Variants in SORCS1 observed in about 807,000 individuals in gnomAD.
SORCS1 encodes the protein VPS10 domain-containing receptor SorCS1.
A neutral mutation model predicts 146.1 loss-of-function variants in SORCS1; 60 were observed. The ratio of observed to expected loss-of-function variants is 0.41; its 90% CI spans 0.33 to 0.51. The LOEUF is 0.51. SORCS1 is among the 20% of genes least tolerant of loss of function. The pLI is 0.21. For missense variants in SORCS1, 1,352 were observed against 1,487.6 expected, an observed-to-expected ratio of 0.91 and a Z score of 1.50; for synonymous variants, 637 against 584.0, an observed-to-expected ratio of 1.09 and a Z score of -1.31.
At chr10:106,979,286 G>C (rs1000195962) in intron 1 of SORCS1, among the ~76,000 whole-genome samples, 4 of 152,096 alleles carry the variant, frequency 2.6e-5, no homozygotes, top group African/African-American at 9.7e-5. Flanking sequence ...AACTTCCTTA[G>C]GAAGTTTGTA....
chr10:106,754,451 TTTC>T lies in SORCS1; in HGVS notation c.959+7134_959+7136del, dbSNP rs546433109. Among the ~76,000 whole-genome samples the T allele has an allele frequency of 5.4e-4, 83 of 152,348 alleles. 1 individual carries two copies. In the East Asian group the frequency reaches 0.015, roughly 28 times the overall value. On this transcript the variant is annotated intron_variant, in intron 5 of 25. Transcript: ENST00000263054. ...TAAGCCAATATCTCTTTAAAATTTT[TTTC>T]TTCTTAAAACAGGATGCATTTTTCT... is the stretch of plus-strand genomic sequence containing the variant.
intron 1 of SORCS1, among the ~76,000 whole-genome samples, chr10:107,086,855 TC>T (rs1474598286): frequency 3.3e-5 from 5 of 152,118 alleles, no homozygotes; most frequent in Non-Finnish European, 7.4e-5. Context: ...CGGTGAAACC[TC>T]GTCTCTAGTA....
chr10:106,912,785 T>TCTC (rs1452614500), intron 2 of SORCS1, among the ~76,000 whole-genome samples: 2 of 151,990 alleles, frequency 1.3e-5, no homozygotes, highest in African/African-American at 4.8e-5. Context: ...TTCCAGTGAG[T>TCTC]CTCCTGCCTC....
intron 1 of SORCS1, among the ~76,000 whole-genome samples, chr10:107,097,455 T>C (rs1964617348): frequency 6.6e-6 from 1 of 152,196 alleles, no homozygotes; most frequent in Admixed American, 6.5e-5. Context: ...GATGGCAGTT[T>C]TGGTGCTATA....
chr10:107,076,233 G>C (rs1041472083), intron 1 of SORCS1, among the ~76,000 whole-genome samples: 1 of 152,040 alleles, frequency 6.6e-6, no homozygotes, highest in Non-Finnish European at 1.5e-5. Context: ...TTATGCTATA[G>C]TGAAATAAAC....
At chr10:106,681,080 A>G (rs1483199387) in intron 10 of SORCS1, among the ~76,000 whole-genome samples, 1 of 152,226 alleles carries the variant, frequency 6.6e-6, no homozygotes, top group Non-Finnish European at 1.5e-5. Context: ...TGACTTTATA[A>G]TGTTCTATAG....
At chr10:106,812,063 C>T (rs12358117) in intron 3 of SORCS1, among the ~76,000 whole-genome samples, 26,304 of 152,032 alleles carry the variant, frequency 0.17, 2,659 homozygotes, top group Non-Finnish European at 0.24. Flanking sequence ...TGCAGTGGCC[C>T]GATCCTGGCT....
At chr10:106,692,191 AC>A (rs1853344388) in intron 9 of SORCS1, among the ~76,000 whole-genome samples, 1 of 151,942 alleles carries the variant, frequency 6.6e-6, no homozygotes, top group South Asian at 2.1e-4. Context: ...ACAGTTGCAC[AC>A]CACTATGCCC....
chr10:106,969,174 T>C (rs919136501), intron 1 of SORCS1, among the ~76,000 whole-genome samples: 3 of 152,246 alleles, frequency 2.0e-5, no homozygotes, highest in Admixed American at 1.3e-4. Context: ...TGTCTTTTAG[T>C]CACAGAACCA....
intron 8 of SORCS1, among the ~76,000 whole-genome samples, chr10:106,702,193 C>A (rs1854185558): frequency 6.6e-6 from 1 of 152,208 alleles, no homozygotes; most frequent in Non-Finnish European, 1.5e-5. Flanking sequence ...AACCAAACCT[C>A]CCATGGCTCC....
chr10:106,845,631 G>T, intron 2 of SORCS1, among the ~76,000 whole-genome samples: 1 of 44,894 alleles, frequency 2.2e-5, no homozygotes, highest in African/African-American at 7.4e-5. Context: ...CATTGCTTTT[G>T]GTGTTTTGGA....
chr10:106,636,172 A>C (rs1848710783), intron 18 of SORCS1, among the ~76,000 whole-genome samples: 1 of 152,002 alleles, frequency 6.6e-6, no homozygotes, highest in African/African-American at 2.4e-5. Context: ...AAGTGAGAGG[A>C]CCACTTGAGC....
intron 5 of SORCS1, among the ~76,000 whole-genome samples, chr10:106,731,259 C>T (rs1015079133): frequency 7.1e-6 from 1 of 141,654 alleles, no homozygotes; most frequent in Non-Finnish European, 1.5e-5. Context: ...CACCACTGCA[C>T]TCCAGCCTGG....
intron 1 of SORCS1, among the ~76,000 whole-genome samples, chr10:107,091,002 G>C (rs1196656033): frequency 6.6e-6 from 1 of 152,172 alleles, no homozygotes; most frequent in African/African-American, 2.4e-5. Flanking sequence ...CTAGAAGAGA[G>C]TAAACACATG....
rs141757876 is a variant in SORCS1, at chr10:107,023,708, T to A, written c.559-67128A>T. On this transcript the variant is annotated intron_variant, in intron 1 of 25. Coordinates refer to ENST00000263054, the MANE Select transcript of SORCS1 (RefSeq NM_052918.5). ...TGTCAAAAAGGTCATGGAACCTCAG[T>A]CAAGCAAGGAAAAATAGAGGAATTT... 5.2e-3 allele frequency among the ~76,000 whole-genome samples: 788 copies of A among 152,196 alleles called. 3 individuals are homozygous for A. The highest frequency in any genetic ancestry group is 0.017 in the African/African-American group (692 of 41,536).
At chr10:106,700,097 G>C (rs1453716853) in intron 8 of SORCS1, among the ~76,000 whole-genome samples, 1 of 152,138 alleles carries the variant, frequency 6.6e-6, no homozygotes, top group East Asian at 1.9e-4. Context: ...AAACTGAGAG[G>C]TTCTGCAGGA....
chr10:107,176,605 G>T, the SORCS1 span, among the ~76,000 whole-genome samples: 1 of 152,100 alleles, frequency 6.6e-6, no homozygotes, highest in Non-Finnish European at 1.5e-5. Flanking sequence ...CTCCCAAAGT[G>T]CTGGGATTAC....
chr10:106,850,229 A>C (rs1293308171), intron 2 of SORCS1, among the ~76,000 whole-genome samples: 1 of 151,640 alleles, frequency 6.6e-6, no homozygotes, highest in Non-Finnish European at 1.5e-5. Context: ...TGTGCTAGCA[A>C]TCAGCGAGAC....
intron 1 of SORCS1, among the ~76,000 whole-genome samples, chr10:106,987,572 A>AC (rs1956536337): frequency 6.6e-6 from 1 of 152,174 alleles, no homozygotes; most frequent in Non-Finnish European, 1.5e-5. Context: ...TGCCTTACGG[A>AC]CCGGGCAGTG....
Sources: allele counts gnomAD v4.1 joint callset (sites outside exome capture counted in the v4.1 genomes callset), GRCh38; gene constraint gnomAD v4.1.1; transcripts MANE v1.5; gene names NCBI Gene and HGNC (gene_info 2026-07-23, HGNC 2026-07-21).